The following KCNIP4 variants were observed in gnomAD, a reference collection of about 807,000 sequenced individuals.
KCNIP4 encodes potassium voltage-gated channel interacting protein 4, also known as Kv channel-interacting protein 4.
KCNIP4 carries 12 observed loss-of-function variants against 34.0 expected under a neutral mutation model. The ratio of observed to expected loss-of-function variants is 0.35; its 90% CI spans 0.23 to 0.57. KCNIP4 has a LOEUF of 0.57. Among genes scored for constraint, KCNIP4 ranks in the 20% least tolerant of loss-of-function variants. KCNIP4 has a pLI of 0.83. For missense variants in KCNIP4, 238 were observed against 311.7 expected (o/e 0.76, Z 1.78); for synonymous variants, 124 against 102.2 (o/e 1.21, Z -1.29).
At chr4:21,170,731 G>C (rs913025848) in intron 1 of KCNIP4, among the ~76,000 whole-genome samples, 2 of 152,022 alleles carry the variant, frequency 1.3e-5, no homozygotes, top group Non-Finnish European at 2.9e-5. Context: ...ATAAAACAGT[G>C]GAAAATAATT....
At chr4:20,968,977 C>T (rs946297494) in intron 1 of KCNIP4, among the ~76,000 whole-genome samples, 6 of 152,062 alleles carry the variant, frequency 3.9e-5, no homozygotes, top group African/African-American at 1.4e-4. Context: ...TACTGCCTCC[C>T]TGCTATTTAA....
intron 1 of KCNIP4, among the ~76,000 whole-genome samples, chr4:21,634,429 T>C (rs573779048): frequency 2.5e-4 from 38 of 152,088 alleles, no homozygotes; most frequent in African/African-American, 8.9e-4. Flanking sequence ...AAACATACGC[T>C]AGAAACAGAA....
chr4:21,120,658 T>G, intron 1 of KCNIP4, among the ~76,000 whole-genome samples: 1 of 152,086 alleles, frequency 6.6e-6, no homozygotes, highest in Admixed American at 6.5e-5. Flanking sequence ...GAGAGTTCAC[T>G]CACTATCACA....
intron 1 of KCNIP4, among the ~76,000 whole-genome samples, chr4:21,116,653 T>C (rs1042889631): frequency 3.3e-5 from 5 of 152,240 alleles, no homozygotes; most frequent in South Asian, 2.1e-4. Flanking sequence ...ATTGGTTTTG[T>C]TATATCTGTA....
chr4:21,075,376 C>A (rs1484336104), intron 1 of KCNIP4, among the ~76,000 whole-genome samples: 1 of 152,024 alleles, frequency 6.6e-6, no homozygotes, highest in East Asian at 1.9e-4. Context: ...TGAATTGATC[C>A]CTTTACCATT....
At chr4:21,884,870 A>G (rs1003920516) in intron 1 of KCNIP4, among the ~76,000 whole-genome samples, 4 of 151,974 alleles carry the variant, frequency 2.6e-5, no homozygotes, top group African/African-American at 9.7e-5. Flanking sequence ...CTCTACCACC[A>G]GGTCTTCAGT....
chr4:21,006,211 T>C (rs1414594336), intron 1 of KCNIP4, among the ~76,000 whole-genome samples: 2 of 152,178 alleles, frequency 1.3e-5, no homozygotes, highest in African/African-American at 2.4e-5. Flanking sequence ...TTAAGAAACC[T>C]GCATGCAGAG....
intron 1 of KCNIP4, among the ~76,000 whole-genome samples, chr4:21,901,439 C>G (rs1368481559): frequency 6.6e-6 from 1 of 152,196 alleles, no homozygotes; most frequent in Non-Finnish European, 1.5e-5. Flanking sequence ...GTTGTTGACA[C>G]AAGCAATGTG....
intron 1 of KCNIP4, among the ~76,000 whole-genome samples, chr4:21,409,699 G>A (rs1342566303): frequency 4.6e-5 from 7 of 151,924 alleles, no homozygotes; most frequent in South Asian, 2.1e-4. Context: ...AAAATACATC[G>A]TTAGGAAAAA....
chr4:21,364,151 C>T (rs1719493900), intron 1 of KCNIP4, among the ~76,000 whole-genome samples: 1 of 152,112 alleles, frequency 6.6e-6, no homozygotes, highest in Non-Finnish European at 1.5e-5. Flanking sequence ...AGGATTGTTT[C>T]TCAAGTGGAA....
chr4:21,175,406 G>T (rs1365761860), intron 1 of KCNIP4, among the ~76,000 whole-genome samples: 1 of 152,104 alleles, frequency 6.6e-6, no homozygotes, highest in East Asian at 1.9e-4. Context: ...AGATAGTTCT[G>T]ACCCCTATGT....
At chr4:20,773,192 G>C (rs1756066790) in intron 3 of KCNIP4, among the ~76,000 whole-genome samples, 1 of 152,112 alleles carries the variant, frequency 6.6e-6, no homozygotes, top group Non-Finnish European at 1.5e-5. Context: ...CTTTGAATAA[G>C]TTACTAAACT....
chr4:21,243,578 C>T (rs1353624034), intron 1 of KCNIP4, among the ~76,000 whole-genome samples: 3 of 152,072 alleles, frequency 2.0e-5, no homozygotes, highest in East Asian at 1.9e-4. Flanking sequence ...TTTAATCTAT[C>T]GTATCAACCC....
At chr4:21,819,985 T>G (rs1560738214) in intron 1 of KCNIP4, among the ~76,000 whole-genome samples, 1 of 152,050 alleles carries the variant, frequency 6.6e-6, no homozygotes, top group South Asian at 2.1e-4. Flanking sequence ...GGCAAGATAT[T>G]TAATTTGATA....
intron 1 of KCNIP4, among the ~76,000 whole-genome samples, chr4:21,744,250 A>C (rs1716618920): frequency 6.6e-6 from 1 of 152,154 alleles, no homozygotes; most frequent in South Asian, 2.1e-4. Flanking sequence ...CCCCTTGGTG[A>C]ATATTTGCAC....
intron 1 of KCNIP4, chr4:21,730,123 A>T (rs115912284): frequency 6.6e-6 from 1 of 152,098 alleles, no homozygotes; most frequent in African/African-American, 2.4e-5. Context: ...CTGGAAGAAG[A>T]TGTCAAAAAT....
intron 1 of KCNIP4, among the ~76,000 whole-genome samples, chr4:21,015,126 G>A (rs1051184008): frequency 1.9e-4 from 29 of 151,968 alleles, no homozygotes; most frequent in Admixed American, 3.3e-4. Flanking sequence ...GGAACTCTGC[G>A]GAGAGAAGAA....
chr4:21,113,663 C>A (rs1577716697), intron 1 of KCNIP4, among the ~76,000 whole-genome samples: 1 of 152,026 alleles, frequency 6.6e-6, no homozygotes, highest in Non-Finnish European at 1.5e-5. Flanking sequence ...CAAGCATTAG[C>A]AACTATTCTG....
intron 1 of KCNIP4, among the ~76,000 whole-genome samples, chr4:21,673,828 A>T (rs1749679284): frequency 6.6e-6 from 1 of 152,212 alleles, no homozygotes; most frequent in East Asian, 1.9e-4. Context: ...GTATTAAACA[A>T]CAGTACCTTA....
Sources: allele counts gnomAD v4.1 joint callset (sites outside exome capture counted in the v4.1 genomes callset), GRCh38; gene constraint gnomAD v4.1.1; transcripts MANE v1.5; gene names NCBI Gene and HGNC (gene_info 2026-07-23, HGNC 2026-07-21).